Variants in FMN2 observed in about 807,000 individuals in gnomAD.
FMN2 encodes the protein formin 2, also known as formin-2.
FMN2 carries 51 observed loss-of-function variants against 142.3 expected under a neutral mutation model. That is an observed-to-expected ratio of 0.36 (90% CI 0.29 to 0.45). FMN2 has a LOEUF of 0.45. Ranked by LOEUF, FMN2 falls within the 20% of genes least tolerant of loss-of-function variation. The pLI, the probability that FMN2 is intolerant of heterozygous loss-of-function variation, is 1.00. For synonymous variants in FMN2, 882 were observed against 869.8 expected (o/e 1.01, Z -0.25); for missense variants, 1,936 against 2,122.8 (o/e 0.91, Z 1.73).
At chr1:240,124,854 G>A (rs1662434731) in intron 2 of FMN2, among the ~76,000 whole-genome samples, 1 of 152,046 alleles carries the variant, frequency 6.6e-6, no homozygotes, top group African/African-American at 2.4e-5. Flanking sequence ...TTTTAGTAGA[G>A]ACGGGGTTTC....
At chr1:240,126,204 T>TAGCAGGA (rs1662496268) in intron 2 of FMN2, among the ~76,000 whole-genome samples, 2 of 152,148 alleles carry the variant, frequency 1.3e-5, no homozygotes, top group South Asian at 4.1e-4. Context: ...AAGAATGTGC[T>TAGCAGGA]TATCTATGGG....
At chr1:240,246,631 C>G (rs888868664) in intron 6 of FMN2, among the ~76,000 whole-genome samples, 2 of 152,086 alleles carry the variant, frequency 1.3e-5, no homozygotes, top group African/African-American at 4.8e-5. Flanking sequence ...TCAGTCCCAC[C>G]CAGATTTAGG....
chr1:240,226,825 CA>C, intron 6 of FMN2, among the ~76,000 whole-genome samples: 1 of 151,760 alleles, frequency 6.6e-6, no homozygotes, highest in Admixed American at 6.6e-5. Flanking sequence ...CACACACACA[CA>C]CACACACATA....
intron 7 of FMN2, among the ~76,000 whole-genome samples, chr1:240,288,487 G>A (rs1669666216): frequency 6.6e-6 from 1 of 152,146 alleles, no homozygotes; most frequent in African/African-American, 2.4e-5. Flanking sequence ...AGCAACACAA[G>A]TTGGAAGCTG....
chr1:240,410,428 T>C (rs946901842), intron 15 of FMN2, among the ~76,000 whole-genome samples: 3 of 152,158 alleles, frequency 2.0e-5, no homozygotes, highest in South Asian at 4.1e-4. Context: ...TTAAAATCCA[T>C]AGGGGCAAAC....
At chr1:240,391,210 T>A (rs1287258851) in intron 14 of FMN2, among the ~76,000 whole-genome samples, 2 of 152,186 alleles carry the variant, frequency 1.3e-5, no homozygotes, top group Non-Finnish European at 2.9e-5. Flanking sequence ...AAAAAGTATC[T>A]GCTGCCACCT....
At chr1:240,275,454 G>GTAT (rs1669171354) in intron 7 of FMN2, among the ~76,000 whole-genome samples, 2 of 152,060 alleles carry the variant, frequency 1.3e-5, no homozygotes, top group South Asian at 4.1e-4. Flanking sequence ...ATTCCATGGT[G>GTAT]TATATGTGCC....
chr1:240,185,170 C>T (rs9660932), intron 3 of FMN2, among the ~76,000 whole-genome samples: 8,870 of 37,062 alleles, frequency 0.24, 1,465 homozygotes, highest in Middle Eastern at 0.37. Context: ...CTCCCTCCTA[C>T]ACCTTTCCCC....
chr1:240,435,655 A>G (rs1675342815), intron 15 of FMN2, among the ~76,000 whole-genome samples: 1 of 152,210 alleles, frequency 6.6e-6, no homozygotes, highest in African/African-American at 2.4e-5. Flanking sequence ...TCTGTTTTAC[A>G]GTAGAAAAGC....
chr1:240,142,763 C>T (rs537238459), intron 2 of FMN2: 1 of 1,601,566 alleles, frequency 6.2e-7, no homozygotes, highest in Admixed American at 1.7e-5. Context: ...CTGCCCGTTC[C>T]CCGTGGGCCA....
chr1:240,222,408 T>C (rs1448417358), intron 6 of FMN2, among the ~76,000 whole-genome samples: 1 of 152,164 alleles, frequency 6.6e-6, no homozygotes, highest in African/African-American at 2.4e-5. Context: ...TAGTAGAGTT[T>C]GAAGTCAGGT....
intron 15 of FMN2, among the ~76,000 whole-genome samples, chr1:240,399,958 C>A (rs565245439): frequency 6.6e-6 from 1 of 152,294 alleles, no homozygotes; most frequent in African/African-American, 2.4e-5. Context: ...CTCTACAGAT[C>A]TGCTTGAGAA....
chr1:240,369,603 G>GT (rs1161067641), intron 14 of FMN2, among the ~76,000 whole-genome samples: 3 of 152,098 alleles, frequency 2.0e-5, no homozygotes, highest in African/African-American at 7.2e-5. Flanking sequence ...TATCAAGCCT[G>GT]TTTTTTAGCA....
At chr1:240,437,555 G>C (rs534079738) in intron 15 of FMN2, among the ~76,000 whole-genome samples, 7 of 152,154 alleles carry the variant, frequency 4.6e-5, no homozygotes, top group African/African-American at 1.7e-4. Context: ...ACCCACCTTG[G>C]CCTCCCAAAG....
chr1:240,205,456 C>CTTTTTT (rs36115091), intron 4 of FMN2, among the ~76,000 whole-genome samples: 19 of 97,488 alleles, frequency 1.9e-4, no homozygotes, highest in Admixed American at 3.3e-4. Context: ...ATGCTCTTTC[C>CTTTTTT]TTTTTTTTTT....
At position 240,247,048 on chromosome 1, in the gene FMN2, G is replaced by A. The variant is rs574144932; in HGVS notation, c.4066-10897G>A. ...TCATAGCAGTGGTTCGTAATGCAAA[G>A]TTTGGGTTACTTAAGGACACTGTGG... On this transcript the variant is annotated intron_variant, in intron 6 of 17. Transcript: ENST00000319653. 3.8e-4 allele frequency among the ~76,000 whole-genome samples: 58 copies of A among 152,196 alleles called. 1 individual carries two copies. Among genetic ancestry groups the A allele is most frequent in the Non-Finnish European group, 5.7e-4 (39 of 68,034 alleles).
chr1:240,122,197 C>T (rs1325403612), intron 1 of FMN2, among the ~76,000 whole-genome samples: 2 of 151,888 alleles, frequency 1.3e-5, no homozygotes, highest in Non-Finnish European at 2.9e-5. Context: ...AAGCGATTCT[C>T]CTGTCTCAGC....
intron 8 of FMN2, among the ~76,000 whole-genome samples, chr1:240,306,430 C>T (rs2102980734): frequency 6.6e-6 from 1 of 152,298 alleles, no homozygotes; most frequent in Admixed American, 6.5e-5. Context: ...TCCTCTCCCT[C>T]CCTCCTTTTG....
At chr1:240,171,111 GA>G in intron 2 of FMN2, 1 of 1,437,080 alleles carries the variant, frequency 7.0e-7, no homozygotes, top group Non-Finnish European at 9.8e-7. Context: ...GTCGCACATG[GA>G]AAGGCACTGC....
Sources: allele counts gnomAD v4.1 joint callset (sites outside exome capture counted in the v4.1 genomes callset), GRCh38; gene constraint gnomAD v4.1.1; transcripts MANE v1.5; gene names NCBI Gene and HGNC (gene_info 2026-07-23, HGNC 2026-07-21).